CPM: variants seen among roughly 807,000 people sequenced by gnomAD.
CPM encodes the protein carboxypeptidase M.
In CPM, 35 loss-of-function variants were observed where a neutral mutation model predicts 46.4. That is an observed-to-expected ratio of 0.75 (90% confidence interval 0.58 to 1.00). The LOEUF is 1.00. CPM is among the 50% of genes least tolerant of loss of function. CPM has a pLI of 0.00. For synonymous variants in CPM, 195 were observed against 195.3 expected (o/e 1.00, Z 0.01); for missense variants, 422 against 530.4 (o/e 0.80, Z 2.01).
At chr12:68,889,925 C>T (rs1165947578) in intron 2 of CPM, among the ~76,000 whole-genome samples, 1 of 152,170 alleles carries the variant, frequency 6.6e-6, no homozygotes, top group Admixed American at 6.5e-5. Context: ...CTGGGTACAA[C>T]ATAGCAGTTA....
rs934171534 is a variant in CPM, at chr12:68,867,058, A to G, written c.788-10T>C. 5.6e-6 allele frequency: 9 copies of G among 1,613,178 alleles called. No homozygotes were observed. Among genetic ancestry groups the G allele is most frequent in the Middle Eastern group, 1.6e-4 (1 of 6,084 alleles). On this transcript the variant is annotated splice_polypyrimidine_tract_variant and intron_variant, in intron 6 of 8. Transcript: ENST00000551568. ...TAATCTTGCATTCCACCTAAACACAAGCATATTTAATTTTTGTTAGGGTCT... is the reference window on the plus strand; with the variant it reads ...TAATCTTGCATTCCACCTAAACACAGGCATATTTAATTTTTGTTAGGGTCT...
chr12:68,863,495 C>T (rs1592636677), intron 7 of CPM, among the ~76,000 whole-genome samples: 1 of 152,242 alleles, frequency 6.6e-6, no homozygotes, highest in South Asian at 2.1e-4. Flanking sequence ...AACACAGCAC[C>T]AAGGGGCCCG....
chr12:68,939,424 C>A (rs1169100239), intron 1 of CPM, among the ~76,000 whole-genome samples: 1 of 150,220 alleles, frequency 6.7e-6, no homozygotes, highest in Non-Finnish European at 1.5e-5. Flanking sequence ...ATACTAAAAT[C>A]ATTCTACATT....
intron 2 of CPM, among the ~76,000 whole-genome samples, chr12:68,930,641 A>C (rs984873962): frequency 6.6e-6 from 1 of 152,214 alleles, no homozygotes. Context: ...TTTAACCACT[A>C]GTGTCAGATT....
Position 68,871,580 on chromosome 12 carries a change from C to G in CPM, c.431+204G>C, listed in dbSNP as rs1020157346. On this transcript the variant is annotated intron_variant, in intron 4 of 8. Transcript: ENST00000551568. ...GAAGATGGAGAGGCTAGGTGGGCACCGGGGCAAAGTAGCCTTATTTGCATT... is the reference window on the plus strand; with the variant it reads ...GAAGATGGAGAGGCTAGGTGGGCACGGGGGCAAAGTAGCCTTATTTGCATT... The G allele has an allele frequency of 3.7e-5, 21 of 574,622 alleles. No individual in the cohort carries two copies. In the African/African-American group the frequency reaches 3.8e-4, roughly 10 times the overall value. 35.6% of individuals were successfully genotyped at this position (574,622 alleles called of 1,614,324 possible). A position where few individuals can be genotyped will look rare whatever the true frequency, so the allele number is the denominator to read the frequency against.
intron 1 of CPM, among the ~76,000 whole-genome samples, chr12:68,951,144 C>T (rs1888928928): frequency 6.6e-6 from 1 of 152,238 alleles, no homozygotes; most frequent in South Asian, 2.1e-4. Flanking sequence ...TCTTAGGAAA[C>T]TCACTCAACC....
intron 2 of CPM, among the ~76,000 whole-genome samples, chr12:68,890,750 C>T (rs1412105388): frequency 6.6e-6 from 1 of 152,230 alleles, no homozygotes; most frequent in Admixed American, 6.5e-5. Flanking sequence ...TCCGAGGCCA[C>T]CCCACCGGGA....
chr12:68,852,004 C>T lies in CPM; in HGVS notation c.*4433G>A, dbSNP rs1449322948. On this transcript the variant is annotated 3_prime_UTR_variant, in exon 9 of 9. Transcript: ENST00000551568. ...AAGACAATATGCTATGCTTATCTTT[C>T]TGGATTCCCCAGGAAGAGATACTTC... The T allele has an allele frequency of 6.6e-6, 1 of 152,214 alleles. No individual in the cohort carries two copies. The highest frequency in any genetic ancestry group is 1.5e-5 in the Non-Finnish European group (1 of 68,036). 9.4% of individuals were successfully genotyped at this position (152,214 alleles called of 1,614,324 possible). A position where few individuals can be genotyped will look rare whatever the true frequency, so the allele number is the denominator to read the frequency against.
intron 1 of CPM, among the ~76,000 whole-genome samples, chr12:68,943,286 C>T (rs1177618627): frequency 6.6e-6 from 1 of 152,016 alleles, no homozygotes; most frequent in Non-Finnish European, 1.5e-5. Context: ...TTATAGTGAC[C>T]TTACAGGGTT....
Position 68,873,794 on chromosome 12 carries a change from T to A in CPM, c.259-1838A>T, listed in dbSNP as rs182828385. 2.6e-5 allele frequency among the ~76,000 whole-genome samples: 4 copies of A among 152,226 alleles called. No individual in the cohort carries two copies. The East Asian group carries it at 7.7e-4, about 29-fold the overall frequency. ...TTCAACTTTTTTTCCTACTCATTTT[T>A]TATCTTCCTCTTCCACTACCTTTTT... On this transcript the variant is annotated intron_variant, in intron 3 of 8. Coordinates refer to ENST00000551568, the MANE Select transcript of CPM (RefSeq NM_198320.5).
chr12:68,889,599 T>A (rs1255433647), intron 2 of CPM, among the ~76,000 whole-genome samples: 1 of 152,086 alleles, frequency 6.6e-6, no homozygotes, highest in Non-Finnish European at 1.5e-5. Context: ...GAGGCTGAGG[T>A]GGGAGGATTA....
chr12:68,865,650 TC>T (rs1885409852), intron 7 of CPM, among the ~76,000 whole-genome samples: 1 of 152,028 alleles, frequency 6.6e-6, no homozygotes. Context: ...TCTCTCTCTC[TC>T]TCTCTCCATG....
At chr12:68,944,758 C>T (rs1289258007) in intron 1 of CPM, among the ~76,000 whole-genome samples, 1 of 151,674 alleles carries the variant, frequency 6.6e-6, no homozygotes, top group Non-Finnish European at 1.5e-5. Context: ...GACAAGGCAG[C>T]AGAGCAGAAA....
chr12:68,905,690 A>G (rs1887315042), intron 2 of CPM, among the ~76,000 whole-genome samples: 1 of 152,134 alleles, frequency 6.6e-6, no homozygotes, highest in Non-Finnish European at 1.5e-5. Flanking sequence ...GAGTAGGTCT[A>G]CGCAAACCTA....
intron 3 of CPM, among the ~76,000 whole-genome samples, chr12:68,883,198 AG>A (rs1403933205): frequency 1.3e-5 from 2 of 152,232 alleles, no homozygotes; most frequent in African/African-American, 4.8e-5. Context: ...CAGAATAGCA[AG>A]GAATACACCA....
chr12:68,941,138 G>A (rs569279819), intron 1 of CPM, among the ~76,000 whole-genome samples: 1 of 151,516 alleles, frequency 6.6e-6, no homozygotes, highest in South Asian at 2.1e-4. Context: ...GTGTTTTTGT[G>A]CTACAGAAGT....
intron 2 of CPM, among the ~76,000 whole-genome samples, chr12:68,917,824 C>T (rs1887872913): frequency 6.6e-6 from 1 of 152,156 alleles, no homozygotes. Context: ...AGCTCTGAAC[C>T]CCTAAGACTT....
intron 7 of CPM, 51 bp downstream of exon 7, chr12:68,866,845 C>T (rs765224329): frequency 6.6e-7 from 1 of 1,519,944 alleles, no homozygotes; most frequent in Non-Finnish European, 9.1e-7. Flanking sequence ...GAGGTCTTGC[C>T]AGATGCTCTA....
chr12:68,939,277 A>G (rs1888724224), intron 1 of CPM, among the ~76,000 whole-genome samples: 1 of 147,610 alleles, frequency 6.8e-6, no homozygotes. Context: ...TATTATGTAC[A>G]TATATACATA....
Sources: allele counts gnomAD v4.1 joint callset (sites outside exome capture counted in the v4.1 genomes callset), GRCh38; gene constraint gnomAD v4.1.1; transcripts MANE v1.5; gene names NCBI Gene and HGNC (gene_info 2026-07-23, HGNC 2026-07-21).